Variants in MRPS30 observed in about 807,000 individuals in gnomAD.
MRPS30 encodes large ribosomal subunit protein mL65.
MRPS30 carries 42 observed loss-of-function variants against 43.8 expected under a neutral mutation model. The ratio of observed to expected loss-of-function variants is 0.96; its 90% CI spans 0.75 to 1.24. The LOEUF (loss-of-function observed/expected upper bound fraction) is 1.24, where lower values mean the gene tolerates loss of function less well. Ranked by LOEUF, MRPS30 falls within the 50% of genes most tolerant of loss-of-function variation. The pLI is 0.00. For synonymous variants in MRPS30, 273 were observed against 228.2 expected (o/e 1.20, Z -1.77); for missense variants, 638 against 570.0 (o/e 1.12, Z -1.22).
chr5:44,810,519 G>GC (rs1742821965), intron 1 of MRPS30, among the ~76,000 whole-genome samples: 1 of 152,182 alleles, frequency 6.6e-6, no homozygotes. Context: ...CTTGTTGTGT[G>GC]CATGTTTTTT....
chr5:44,809,415 G>T lies in MRPS30; in HGVS notation c.453G>T (p.Leu151=). The change falls in exon 1 of 5, where the codon CTG becomes CTT. Residue 151 remains leucine (L), a synonymous_variant. Transcript: ENST00000507110. ...ALRAVACDCL[L]QEHFYLRRRR... ...GTGCGGTCGCCTGCGACTGCCTGCT[G>T]CAGGAGCACTTCTACCTGCGGCGCA... 1 of 1,612,946 alleles carries T rather than the reference G, an allele frequency of 6.2e-7. No individual in the cohort carries two copies. The highest frequency in any genetic ancestry group is 2.2e-5 in the East Asian group (1 of 44,830).
rs1246002010 is a variant in MRPS30, at chr5:44,808,979, G to A, written c.17G>A (p.Cys6Tyr). The A allele has an allele frequency of 2.5e-6, 4 of 1,603,712 alleles. No individual in the cohort carries two copies. Among genetic ancestry groups the A allele is most frequent in the Non-Finnish European group, 3.4e-6 (4 of 1,175,614 alleles). Residue 6 changes from cysteine to tyrosine, a missense_variant, in exon 1 of 5, where the codon TGT becomes TAT. Physicochemically the swap from Cys to Tyr is radical, Grantham distance 194. Transcript: ENST00000507110. MAAAR[C>Y]WRPLLRGPRL... is the part of the protein sequence containing the mutation. ...CGGGCAAAGATGGCGGCGGCCAGGT[G>A]TTGGAGGCCTTTGCTACGCGGTCCG...
chr5:44,815,135 T>TC lies in MRPS30; in HGVS notation c.1253_1254insC (p.Leu419ThrfsTer10). On this transcript the variant is annotated frameshift_variant, in exon 5 of 5. Transcript: ENST00000507110. LOFTEE classifies it high-confidence loss of function. ...GTGAAAGGTTTTAATGATGATGTTC[T>TC]ACTTCAGATAGTTCACTTTCTACTG... The TC allele has an allele frequency of 1.9e-6, 3 of 1,612,940 alleles. No homozygotes were observed. The highest frequency in any genetic ancestry group is 2.2e-5 in the South Asian group (2 of 91,038).
At position 44,809,559 on chromosome 5, in the gene MRPS30, C is replaced by T. The variant is rs778411823; in HGVS notation, c.597C>T (p.Ala199=). 3.8e-6 allele frequency: 6 copies of T among 1,591,320 alleles called. No individual in the cohort carries two copies. Among genetic ancestry groups the T allele is most frequent in the East Asian group, 4.5e-5 (2 of 44,622 alleles). Residue 199 remains alanine (A), a synonymous_variant, in exon 1 of 5, where the codon GCC becomes GCT. Transcript: ENST00000507110. ...ACAACCCGGCCCTGGCCGCTGCCGC[C>T]CTCGGTGAGCCTTGGATTCCGCCCC... The part of the protein sequence containing the change: ...SPHNPALAAA[A]LDYRCPVHFY...
At position 44,811,902 on chromosome 5, in the gene MRPS30, C is replaced by G. The variant is rs1554027318; in HGVS notation, c.748-13C>G. 6.9e-7 allele frequency: 1 copy of G among 1,450,662 alleles called. No individual in the cohort carries two copies. Among genetic ancestry groups the G allele is most frequent in the Non-Finnish European group, 9.3e-7 (1 of 1,071,998 alleles). 89.9% of individuals were successfully genotyped at this position (1,450,662 alleles called of 1,614,324 possible). ...TTGCTGTGAATTTAGTATGTCTTTT[C>G]TTTTTCTTTAAGTTTGTGCCATTGG... On this transcript the variant is annotated splice_polypyrimidine_tract_variant and intron_variant, in intron 2 of 4. Transcript: ENST00000507110.
chr5:44,813,183 C>G lies in MRPS30; in HGVS notation c.931C>G (p.Leu311Val). The G allele has an allele frequency of 6.2e-7, 1 of 1,613,438 alleles. No homozygotes were observed. Among genetic ancestry groups the G allele is most frequent in the Non-Finnish European group, 8.5e-7 (1 of 1,179,672 alleles). ...ACCTGACAAATTAAGAAGGGAAAGG[C>G]TTTTGAGACAAAACTGTGCTGATCA... ...LLPDKLRRER[L>V]LRQNCADQIE... Residue 311 changes from leucine to valine, a missense_variant, in exon 4 of 5, where the codon CTT (leucine) becomes GTT (valine). By Grantham distance (32) the Leu-to-Val change is conservative. Transcript: ENST00000507110.
chr5:44,811,934 C>T lies in MRPS30; in HGVS notation c.767C>T (p.Ser256Phe), dbSNP rs1742846109. 1 of 1,583,304 alleles carries T rather than the reference C, an allele frequency of 6.3e-7. No homozygotes were observed. Among genetic ancestry groups the T allele is most frequent in the Admixed American group, 1.8e-5 (1 of 55,906 alleles). ...QLAEFVPLDY[S>F]VPIEIPTIKC... ...TTTAAGTTTGTGCCATTGGATTATT[C>T]TGTTCCTATAGAAATCCCCACTATA... Residue 256 changes from serine to phenylalanine, a missense_variant, in exon 3 of 5, where the codon TCT becomes TTT. Transcript: ENST00000507110.
At position 44,811,081 on chromosome 5, in the gene MRPS30, G is replaced by A. The variant is rs751273694; in HGVS notation, c.674G>A (p.Arg225Gln). The change falls in exon 2 of 5, where the codon CGA becomes CAA. Residue 225 changes from arginine to glutamine, a missense_variant. Physicochemically the swap from Arg to Gln is conservative, Grantham distance 43. Transcript: ENST00000507110. ...EIIPRGHRRG[R>Q]IDDLRYQIDD... ...ATTCCTCGTGGTCATCGAAGAGGTC[G>A]AATTGATGACTTGCGATACCAGATA... is the stretch of plus-strand genomic sequence containing the variant. The A allele has an allele frequency of 1.9e-6, 3 of 1,613,962 alleles. No homozygotes were observed. The highest frequency in any genetic ancestry group is 1.1e-5 in the South Asian group (1 of 91,072).
At chr5:44,811,671 G>T (rs751085230) in intron 2 of MRPS30, among the ~76,000 whole-genome samples, 6 of 152,174 alleles carry the variant, frequency 3.9e-5, no homozygotes, top group Non-Finnish European at 8.8e-5. Context: ...CAAGTGTTCA[G>T]CTCTGCTCTT....
At chr5:44,809,634 T>A in intron 1 of MRPS30, 71 bp downstream of exon 1, 1 of 1,407,630 alleles carries the variant, frequency 7.1e-7, no homozygotes, top group South Asian at 1.4e-5. Context: ...TGCCGCAGAT[T>A]TACCCCTCGT....
chr5:44,809,321 C>T lies in MRPS30; in HGVS notation c.359C>T (p.Pro120Leu), dbSNP rs764771484. ...ACCGTGTTCCTGTCGGGTCTGCCGC[C>T]GCCCCCAGCGGAGCCCGAGCCCGAG... Reference protein sequence around the residue: ...TKTVFLSGLPPPPAEPEPEPE... With the variant: ...TKTVFLSGLPLPPAEPEPEPE... The change falls in exon 1 of 5, where the codon CCG (proline) becomes CTG (leucine). Residue 120 changes from proline to leucine, a missense_variant. Physicochemically the swap from Pro to Leu is moderately conservative, Grantham distance 98. Coordinates refer to ENST00000507110, the MANE Select transcript of MRPS30 (RefSeq NM_016640.4). 5.0e-6 allele frequency: 8 copies of T among 1,611,822 alleles called. No homozygotes were observed. Among genetic ancestry groups the T allele is most frequent in the Non-Finnish European group, 6.8e-6 (8 of 1,179,270 alleles).
chr5:44,810,509 CTTG>C (rs1561264476), intron 1 of MRPS30, among the ~76,000 whole-genome samples: 1 of 152,062 alleles, frequency 6.6e-6, no homozygotes, highest in South Asian at 2.1e-4. Context: ...TCAACCTAGC[CTTG>C]TTGTGTGCAT....
intron 3 of MRPS30, among the ~76,000 whole-genome samples, 155 bp from the exon 4 acceptor site, chr5:44,812,951 A>G (rs1411443615): frequency 6.6e-6 from 1 of 152,200 alleles, no homozygotes; most frequent in Admixed American, 6.5e-5. Context: ...TATGATCCAT[A>G]AGATATATAA....
chr5:44,810,183 C>T (rs937020495), intron 1 of MRPS30, among the ~76,000 whole-genome samples: 2 of 151,976 alleles, frequency 1.3e-5, no homozygotes, highest in Non-Finnish European at 2.9e-5. Flanking sequence ...TCACAATAAC[C>T]GTTCACGATA....
chr5:44,809,095 C>T lies in MRPS30; in HGVS notation c.133C>T (p.Pro45Ser), dbSNP rs753072820. 4 of 1,611,454 alleles carry T rather than the reference C, an allele frequency of 2.5e-6. No individual in the cohort carries two copies. The South Asian group carries it at 4.4e-5, about 18-fold the overall frequency. The stretch of plus-strand genomic sequence containing the variant: ...CGCGGCGACCCCCGTCGCGCGGTAC[C>T]CGCCGATTGTGGCCTCCATGACAGC... ...DVAATPVARY[P>S]PIVASMTADS... Residue 45 changes from proline to serine, a missense_variant, in exon 1 of 5, where the codon CCG (proline) becomes TCG (serine). Transcript: ENST00000507110.
Position 44,815,009 on chromosome 5 carries a change from C to T in MRPS30, c.1127C>T (p.Thr376Ile). The change falls in exon 5 of 5, where the codon ACT becomes ATT. Residue 376 changes from threonine (T) to isoleucine (I), a missense_variant. Transcript: ENST00000507110. ...YFSFFCYQLN[T>I]LALTTQADQN... ...TCCTTTTTCTGCTACCAGCTAAATA[C>T]TTTGGCACTGACTACACAAGCTGAT... 6.2e-7 allele frequency: 1 copy of T among 1,613,748 alleles called. No individual in the cohort carries two copies.
chr5:44,808,948 G>A lies in MRPS30; in HGVS notation c.-15G>A. ...TTGCTTAAGTTGACCTCTGGGTCCG[G>A]AATCGCGGGCAAAGATGGCGGCGGC... On this transcript the variant is annotated 5_prime_UTR_variant, in exon 1 of 5. Transcript: ENST00000507110. 2 of 1,581,270 alleles carry A rather than the reference G, an allele frequency of 1.3e-6. No individual in the cohort carries two copies. The highest frequency in any genetic ancestry group is 1.7e-6 in the Non-Finnish European group (2 of 1,165,570).
intron 2 of MRPS30, 97 bp from the exon 3 acceptor site, chr5:44,811,818 A>C: frequency 2.7e-6 from 2 of 747,098 alleles, no homozygotes; most frequent in South Asian, 4.9e-5. Context: ...TCATTTTGTG[A>C]AATCACCTCA....
rs748623537 is a variant in MRPS30 at position 44,809,427 on chromosome 5, C to A, written c.465C>A (p.Phe155Leu). The change falls in exon 1 of 5, where the codon TTC becomes TTA. Residue 155 changes from phenylalanine (F) to leucine (L), a missense_variant. By Grantham distance (22) the Phe-to-Leu change is conservative (BLOSUM62 0). Coordinates refer to ENST00000507110, the MANE Select transcript of MRPS30 (RefSeq NM_016640.4). Reference protein sequence around the residue: ...VACDCLLQEHFYLRRRRRVHR... With the variant: ...VACDCLLQEHLYLRRRRRVHR... ...GCGACTGCCTGCTGCAGGAGCACTT[C>A]TACCTGCGGCGCAGGCGGCGCGTGC... The A allele has an allele frequency of 1.2e-6, 2 of 1,613,500 alleles. No individual in the cohort carries two copies. The highest frequency in any genetic ancestry group is 4.5e-5 in the East Asian group (2 of 44,852).
Sources: gnomAD v4.1 joint callset for allele counts (sites outside exome capture counted in the v4.1 genomes callset) on GRCh38, gnomAD v4.1.1 for gene constraint, MANE v1.5 for transcripts, NCBI Gene and HGNC (gene_info 2026-07-23, HGNC 2026-07-21) for gene names.